HECW2: variants seen among roughly 807,000 people sequenced by gnomAD.
HECW2 encodes E3 ubiquitin-protein ligase HECW2.
Under a neutral mutation model 175.2 loss-of-function variants are expected in HECW2, and 61 were observed. That is an observed-to-expected ratio of 0.35 (90% CI 0.28 to 0.43). HECW2 has a LOEUF of 0.43. Ranked by LOEUF, HECW2 falls within the 20% of genes least tolerant of loss-of-function variation. The pLI is 1.00. For missense variants in HECW2, 1,524 were observed against 2,000.5 expected (o/e 0.76, Z 4.54); for synonymous variants, 671 against 731.0 (o/e 0.92, Z 1.32).
At chr2:196,270,359 G>A (rs1309879182) in intron 17 of HECW2, among the ~76,000 whole-genome samples, 1 of 152,200 alleles carries the variant, frequency 6.6e-6, no homozygotes, top group Non-Finnish European at 1.5e-5. Flanking sequence ...GGAACAGCAT[G>A]TATTCAGGAA....
At chr2:196,205,102 C>A (rs188227217) in intron 28 of HECW2, among the ~76,000 whole-genome samples, 14 of 152,206 alleles carry the variant, frequency 9.2e-5, no homozygotes, top group African/African-American at 1.2e-4. Flanking sequence ...TAAATTACAT[C>A]TGGTTGCATA....
At chr2:196,323,929 T>C (rs912550621) in intron 6 of HECW2, among the ~76,000 whole-genome samples, 1 of 149,048 alleles carries the variant, frequency 6.7e-6, no homozygotes, top group Admixed American at 6.6e-5. Context: ...GTTTTTTTTT[T>C]TTTTTTTTAC....
At chr2:196,447,253 C>CATG (rs1278682562) in intron 1 of HECW2, among the ~76,000 whole-genome samples, 1 of 152,126 alleles carries the variant, frequency 6.6e-6, no homozygotes, top group Admixed American at 6.5e-5. Flanking sequence ...CCTAAGTGTT[C>CATG]ATGGCCCAGC....
intron 2 of HECW2, among the ~76,000 whole-genome samples, chr2:196,372,859 T>A (rs1048347532): frequency 6.6e-6 from 1 of 152,166 alleles, no homozygotes; most frequent in African/African-American, 2.4e-5. Flanking sequence ...CCAGAACAGC[T>A]TTGGTTCCGC....
At chr2:196,554,187 G>A (rs1190664874) in intron 1 of HECW2, among the ~76,000 whole-genome samples, 1 of 151,964 alleles carries the variant, frequency 6.6e-6, no homozygotes, top group Admixed American at 6.5e-5. Flanking sequence ...TTAGCCGGGC[G>A]CAGTGGCGGG....
chr2:196,476,627 AT>A (rs925802359), intron 1 of HECW2, among the ~76,000 whole-genome samples: 7 of 152,178 alleles, frequency 4.6e-5, no homozygotes, highest in South Asian at 2.1e-4. Context: ...TATCAAGTAG[AT>A]TTTTTTTAAT....
At chr2:196,273,408 C>T (rs1689822895) in intron 16 of HECW2, among the ~76,000 whole-genome samples, 1 of 152,146 alleles carries the variant, frequency 6.6e-6, no homozygotes, top group South Asian at 2.1e-4. Context: ...CCCATATGGC[C>T]TCCCACCAGT....
intron 1 of HECW2, among the ~76,000 whole-genome samples, chr2:196,481,346 T>G (rs1686837934): frequency 6.6e-6 from 1 of 152,246 alleles, no homozygotes. Context: ...CCAAAAGAGA[T>G]ACAGTTATGC....
intron 2 of HECW2, among the ~76,000 whole-genome samples, chr2:196,399,549 G>C (rs182841647): frequency 6.6e-6 from 1 of 152,154 alleles, no homozygotes; most frequent in South Asian, 2.1e-4. Flanking sequence ...GTTAAGTGTG[G>C]TGTTATGCAT....
chr2:196,336,986 A>G (rs2105810503), intron 3 of HECW2, among the ~76,000 whole-genome samples: 1 of 150,656 alleles, frequency 6.6e-6, no homozygotes, highest in Admixed American at 6.6e-5. Flanking sequence ...TTGCGTAGGG[A>G]TGAAAACTAG....
At chr2:196,493,431 C>T (rs1228607413) in intron 1 of HECW2, 2 of 152,140 alleles carry the variant, frequency 1.3e-5, no homozygotes, top group African/African-American at 4.8e-5. Context: ...TAAACAGAAA[C>T]TCAGATATAT....
intron 10 of HECW2, among the ~76,000 whole-genome samples, chr2:196,313,400 T>C (rs891609825): frequency 7.2e-5 from 11 of 152,206 alleles, no homozygotes; most frequent in African/African-American, 2.2e-4. Flanking sequence ...CTGGGCATAA[T>C]TGAGTCCAAG....
intron 21 of HECW2, among the ~76,000 whole-genome samples, chr2:196,235,775 C>T (rs1057252886): frequency 6.6e-6 from 1 of 150,778 alleles, no homozygotes; most frequent in Admixed American, 6.6e-5. Context: ...CCTGCCTCAG[C>T]CTCCCGAGTA....
At chr2:196,409,532 G>A (rs1695052600) in intron 2 of HECW2, among the ~76,000 whole-genome samples, 1 of 152,146 alleles carries the variant, frequency 6.6e-6, no homozygotes, top group South Asian at 2.1e-4. Context: ...TGCTGTTTCA[G>A]TCTGATGCAT....
intron 1 of HECW2, among the ~76,000 whole-genome samples, chr2:196,486,936 C>T (rs897266015): frequency 1.3e-5 from 2 of 151,942 alleles, no homozygotes; most frequent in African/African-American, 4.8e-5. Flanking sequence ...GAGATTAAGA[C>T]CAGCCTGGGC....
intron 2 of HECW2, among the ~76,000 whole-genome samples, chr2:196,348,570 C>T (rs546601154): frequency 8.5e-5 from 13 of 152,164 alleles, no homozygotes; most frequent in African/African-American, 3.1e-4. Context: ...GTCCCTTGAG[C>T]CCAGGAGTTT....
intron 2 of HECW2, among the ~76,000 whole-genome samples, chr2:196,428,113 A>G (rs886307974): frequency 6.6e-6 from 1 of 152,154 alleles, no homozygotes; most frequent in South Asian, 2.1e-4. Context: ...GAGAAACACA[A>G]TCAAAATGCA....
At chr2:196,309,269 C>T (rs1173661744) in intron 10 of HECW2, among the ~76,000 whole-genome samples, 1 of 152,196 alleles carries the variant, frequency 6.6e-6, no homozygotes, top group Non-Finnish European at 1.5e-5. Flanking sequence ...AGAAAGACAT[C>T]TTTTGTTGAT....
At chr2:196,432,797 C>T (rs567130802) in intron 2 of HECW2, among the ~76,000 whole-genome samples, 1 of 152,204 alleles carries the variant, frequency 6.6e-6, no homozygotes, top group Non-Finnish European at 1.5e-5. Context: ...TAATAGATAT[C>T]TCTTTCTAAA....
Sources: gnomAD v4.1 joint callset for allele counts (sites outside exome capture counted in the v4.1 genomes callset) on GRCh38, gnomAD v4.1.1 for gene constraint, MANE v1.5 for transcripts, NCBI Gene and HGNC (gene_info 2026-07-23, HGNC 2026-07-21) for gene names.